The following RFTN1 variants were observed in gnomAD, a reference collection of about 807,000 sequenced individuals.
The protein encoded by RFTN1 is raftlin, lipid raft linker 1.
In RFTN1, 26 loss-of-function variants were observed where a neutral mutation model predicts 46.5. That is an observed-to-expected ratio of 0.56 (90% confidence interval 0.41 to 0.78). RFTN1 has a LOEUF of 0.78. Among genes scored for constraint, RFTN1 ranks in the 30% least tolerant of loss-of-function variants. RFTN1 has a pLI of 0.00. For synonymous variants in RFTN1, 261 were observed against 284.2 expected (o/e 0.92, Z 0.82); for missense variants, 693 against 718.7 (o/e 0.96, Z 0.41).
chr3:16,457,282 C>T lies in RFTN1; in HGVS notation c.146-23245G>A, dbSNP rs1305403377. Among the ~76,000 whole-genome samples the T allele has an allele frequency of 1.3e-5, 2 of 152,228 alleles. No individual in the cohort carries two copies. Among genetic ancestry groups the T allele is most frequent in the East Asian group, 1.9e-4 (1 of 5,200 alleles). ...CAGTTTAACTCAGTGGTTAAGAGCC[C>T]AGGCTCTGGATTTAGACTTCCTGGG... On this transcript the variant is annotated intron_variant, in intron 2 of 9. Transcript: ENST00000334133. The surrounding 1 kb of genome is among the most constrained non-coding windows in gnomAD (Gnocchi z 4.2).
rs1158112905 is a variant in RFTN1 at position 16,336,978 on chromosome 3, A to C, written c.1147-10102T>G. On this transcript the variant is annotated intron_variant, in intron 7 of 9. Coordinates refer to ENST00000334133, the MANE Select transcript of RFTN1 (RefSeq NM_015150.2). This position sits in a 1 kb window ranked among gnomAD's most constrained non-coding sequence, Gnocchi z 6.0. The stretch of plus-strand genomic sequence containing the variant: ...CGGCAGCTCCTCCCATAAGAGGGAG[A>C]GTCCCTCTGGTCACCCCTTGAATCT... The C allele has an allele frequency of 6.6e-6, 1 of 152,244 alleles. No homozygotes were observed. Among genetic ancestry groups the C allele is most frequent in the East Asian group, 1.9e-4 (1 of 5,206 alleles). 9.4% of individuals were successfully genotyped at this position (152,244 alleles called of 1,614,324 possible).
chr3:16,494,977 G>A (rs1221145316), intron 1 of RFTN1, among the ~76,000 whole-genome samples: 1 of 152,178 alleles, frequency 6.6e-6, no homozygotes, highest in African/African-American at 2.4e-5. Flanking sequence ...AATTTGGCAA[G>A]CTCCAGAAAA....
At chr3:16,375,818 C>A (rs1334042965) in intron 5 of RFTN1, among the ~76,000 whole-genome samples, 1 of 152,178 alleles carries the variant, frequency 6.6e-6, no homozygotes, top group Non-Finnish European at 1.5e-5. Context: ...CCCATTCCTC[C>A]CCAGCAGGGT....
chr3:16,404,079 TATA>T (rs1274131580), intron 4 of RFTN1, among the ~76,000 whole-genome samples: 61 of 4,644 alleles, frequency 0.013, no homozygotes, highest in Admixed American at 0.015. Flanking sequence ...ATATTATATA[TATA>T]TTTTATATAT....
chr3:16,442,138 A>G lies in RFTN1; in HGVS notation c.146-8101T>C, dbSNP rs1388458236. Among the ~76,000 whole-genome samples, 1 of 152,028 alleles carries G rather than the reference A, an allele frequency of 6.6e-6. No individual in the cohort carries two copies. Among genetic ancestry groups the G allele is most frequent in the Non-Finnish European group, 1.5e-5 (1 of 68,010 alleles). Reference sequence around the variant, plus strand: ...ATGTATCTGAAACTTAAAAAACAAAACAAAACAAAACAAAACAAAACACAT... The same window carrying G: ...ATGTATCTGAAACTTAAAAAACAAAGCAAAACAAAACAAAACAAAACACAT... On this transcript the variant is annotated intron_variant, in intron 2 of 9. Transcript: ENST00000334133. The surrounding 1 kb of genome is among the most constrained non-coding windows in gnomAD (Gnocchi z 4.1).
Position 16,352,885 on chromosome 3 carries a change from C to G in RFTN1, c.1146+5047G>C, listed in dbSNP as rs1052070861. Among the ~76,000 whole-genome samples the G allele has an allele frequency of 2.0e-5, 3 of 152,234 alleles. No homozygotes were observed. The highest frequency in any genetic ancestry group is 4.8e-5 in the African/African-American group (2 of 41,442). Reference sequence around the variant, plus strand: ...GAATCAGAGAGGCAGGATGCACACTCAGGCCAGACTCTGGAATCTCCGCTG... The same window carrying G: ...GAATCAGAGAGGCAGGATGCACACTGAGGCCAGACTCTGGAATCTCCGCTG... On this transcript the variant is annotated intron_variant, in intron 7 of 9. Transcript: ENST00000334133. The surrounding 1 kb of genome is among the most constrained non-coding windows in gnomAD (Gnocchi z 4.6).
chr3:16,480,181 C>T lies in RFTN1; in HGVS notation c.145+13544G>A, dbSNP rs1288792666. ...CTTTCTCCAAAAAGAAAAGTCCACC[C>T]ACAAGCTTGCCAGCTCCCTTGGGAA... On this transcript the variant is annotated intron_variant, in intron 2 of 9. Transcript: ENST00000334133. The surrounding 1 kb of genome is among the most constrained non-coding windows in gnomAD (Gnocchi z 4.3). 6.6e-6 allele frequency among the ~76,000 whole-genome samples: 1 copy of T among 152,202 alleles called. No individual in the cohort carries two copies. The highest frequency in any genetic ancestry group is 1.9e-4 in the East Asian group (1 of 5,198).
intron 4 of RFTN1, among the ~76,000 whole-genome samples, chr3:16,391,886 T>C (rs1009349610): frequency 2.7e-5 from 1 of 36,938 alleles, no homozygotes; most frequent in African/African-American, 1.0e-4. Context: ...TTTTTTGTTT[T>C]TTTTTTTGTT....
chr3:16,473,567 A>AT lies in RFTN1; in HGVS notation c.145+20157dup, dbSNP rs1296028566. ...AGGCATGCACCGCCCTGCCTGGCTA[A>AT]TTTTTTTGTATTTTTTTTTAGTAGA... On this transcript the variant is annotated intron_variant, in intron 2 of 9. Transcript: ENST00000334133. This position sits in a 1 kb window ranked among gnomAD's most constrained non-coding sequence, Gnocchi z 5.3. Among the ~76,000 whole-genome samples the AT allele has an allele frequency of 2.6e-5, 4 of 151,368 alleles. No individual in the cohort carries two copies. Among genetic ancestry groups the AT allele is most frequent in the Admixed American group, 6.6e-5 (1 of 15,216 alleles).
rs560328634 is a variant in RFTN1 at position 16,491,317 on chromosome 3, C to T, written c.145+2408G>A. On this transcript the variant is annotated intron_variant, in intron 2 of 9. Transcript: ENST00000334133. ...TCACAAAAGAGCAAAGTCAAAGCAG[C>T]GGAACACCAAAGACAAGCAGTGGGA... Among the ~76,000 whole-genome samples the T allele has an allele frequency of 1.9e-4, 29 of 152,144 alleles. No individual in the cohort carries two copies. The South Asian group carries it at 5.4e-3, about 28-fold the overall frequency.
rs1386266389 is a variant in RFTN1 at position 16,376,713 on chromosome 3, G to A, written c.826+1005C>T. Among the ~76,000 whole-genome samples the A allele has an allele frequency of 6.6e-6, 1 of 152,136 alleles. No individual in the cohort carries two copies. Among genetic ancestry groups the A allele is most frequent in the African/African-American group, 2.4e-5 (1 of 41,428 alleles). On this transcript the variant is annotated intron_variant, in intron 5 of 9. Coordinates refer to ENST00000334133, the MANE Select transcript of RFTN1 (RefSeq NM_015150.2). This position sits in a 1 kb window ranked among gnomAD's most constrained non-coding sequence, Gnocchi z 4.7. ...AGTCTTACTACATCACAAAACTGAC[G>A]CAGCTCCAATATCTCCCTCTAAATC...
intron 2 of RFTN1, among the ~76,000 whole-genome samples, chr3:16,469,235 A>G (rs942575379): frequency 6.6e-6 from 1 of 152,374 alleles, no homozygotes; most frequent in African/African-American, 2.4e-5. Context: ...CATAGTATAT[A>G]CTTCACTGAG....
chr3:16,430,629 T>C (rs935428058), intron 3 of RFTN1, among the ~76,000 whole-genome samples: 5 of 152,212 alleles, frequency 3.3e-5, no homozygotes, highest in African/African-American at 1.2e-4. Flanking sequence ...TCATTTTACA[T>C]GATAAATTAT....
chr3:16,418,575 T>C lies in RFTN1; in HGVS notation c.333-9092A>G, dbSNP rs954908013. ...CAGGAAAAAAAATACTAAACGTCAG[T>C]TGACAAAAACAAATTCTCTATCTCT... On this transcript the variant is annotated intron_variant, in intron 3 of 9. Coordinates refer to ENST00000334133, the MANE Select transcript of RFTN1 (RefSeq NM_015150.2). The surrounding 1 kb of genome is among the most constrained non-coding windows in gnomAD (Gnocchi z 5.0). Among the ~76,000 whole-genome samples, 2 of 152,086 alleles carry C rather than the reference T, an allele frequency of 1.3e-5. No homozygotes were observed. The highest frequency in any genetic ancestry group is 4.8e-5 in the African/African-American group (2 of 41,416).
At chr3:16,349,793 A>G (rs2071969639) in intron 7 of RFTN1, 1 of 152,280 alleles carries the variant, frequency 6.6e-6, no homozygotes, top group South Asian at 2.1e-4. Context: ...TCTTGTATCT[A>G]GAAAGATTCA....
intron 1 of RFTN1, among the ~76,000 whole-genome samples, chr3:16,511,457 T>C (rs902360260): frequency 1.3e-5 from 2 of 152,298 alleles, no homozygotes; most frequent in Middle Eastern, 6.8e-3. Context: ...GGTGTGTAGT[T>C]AAGCAAAGAT....
chr3:16,408,468 G>C (rs1041704518), intron 4 of RFTN1, among the ~76,000 whole-genome samples: 1 of 150,424 alleles, frequency 6.6e-6, no homozygotes, highest in Non-Finnish European at 1.5e-5. Flanking sequence ...GGGAATTGTC[G>C]ATTACTAGGG....
In RFTN1 at chr3:16,413,072, G is replaced by A. The variant is rs1238093712; in HGVS notation, c.333-3589C>T. On this transcript the variant is annotated intron_variant, in intron 3 of 9. Coordinates refer to ENST00000334133, the MANE Select transcript of RFTN1 (RefSeq NM_015150.2). The surrounding 1 kb of genome is among the most constrained non-coding windows in gnomAD (Gnocchi z 4.7). Reference sequence around the variant, plus strand: ...CGTACCATTTTGAACCATGAAATGTGTTATCATTTATTACAGAGCATAGAA... The same window carrying A: ...CGTACCATTTTGAACCATGAAATGTATTATCATTTATTACAGAGCATAGAA... 6.6e-6 allele frequency among the ~76,000 whole-genome samples: 1 copy of A among 152,228 alleles called. No individual in the cohort carries two copies. The highest frequency in any genetic ancestry group is 1.5e-5 in the Non-Finnish European group (1 of 68,036).
intron 4 of RFTN1, among the ~76,000 whole-genome samples, chr3:16,397,083 AAAAGAG>A (rs1200045116): frequency 6.6e-6 from 1 of 151,838 alleles, no homozygotes; most frequent in African/African-American, 2.4e-5. Flanking sequence ...AAAAAAAAAA[AAAAGAG>A]AGAGAGAAGA....
Sources: gnomAD v4.1 joint callset for allele counts (sites outside exome capture counted in the v4.1 genomes callset) on GRCh38, gnomAD v4.1.1 for gene constraint, Gnocchi (gnomAD v3.1) non-coding constraint, MANE v1.5 for transcripts, NCBI Gene and HGNC (gene_info 2026-07-23, HGNC 2026-07-21) for gene names.